The following ZSCAN25 variants were observed in gnomAD, a reference collection of about 807,000 sequenced individuals.
ZSCAN25 encodes zinc finger and SCAN domain-containing protein 25.
In ZSCAN25, 27 loss-of-function variants were observed where a neutral mutation model predicts 38.7. The observed-to-expected ratio is 0.70, with a 90% CI of 0.51 to 0.96. ZSCAN25 has a LOEUF of 0.96. ZSCAN25 is among the 40% of genes least tolerant of loss of function. The probability of loss-of-function intolerance (pLI) is 0.00; values close to 1 mark genes in which losing one functional copy is unlikely to be tolerated. For missense variants in ZSCAN25, 637 were observed against 705.9 expected (o/e 0.90, Z 1.11); for synonymous variants, 273 against 277.7 (o/e 0.98, Z 0.17).
chr7:99,720,014 A>G, the ZSCAN25 span, among the ~76,000 whole-genome samples: 3 of 152,170 alleles, frequency 2.0e-5, no homozygotes, highest in African/African-American at 7.2e-5. Flanking sequence ...AACAACAAAC[A>G]ACAAACAAAA....
the ZSCAN25 span, among the ~76,000 whole-genome samples, chr7:99,727,041 G>A: frequency 6.6e-6 from 1 of 152,128 alleles, no homozygotes; most frequent in Non-Finnish European, 1.5e-5. Flanking sequence ...ACTCACAAAG[G>A]GAAACCTAGC....
the ZSCAN25 span, among the ~76,000 whole-genome samples, chr7:99,723,066 G>T: frequency 6.6e-6 from 1 of 152,050 alleles, no homozygotes; most frequent in African/African-American, 2.4e-5. Context: ...CAGGGGTGAA[G>T]TTTTAACTAT....
At chr7:99,705,822 T>A in the ZSCAN25 span, among the ~76,000 whole-genome samples, 1 of 152,218 alleles carries the variant, frequency 6.6e-6, no homozygotes, top group Non-Finnish European at 1.5e-5. Context: ...ATGGAGCACC[T>A]ATTCTGTGTG....
the ZSCAN25 span, among the ~76,000 whole-genome samples, chr7:99,736,456 A>G: frequency 6.6e-6 from 1 of 152,218 alleles, no homozygotes; most frequent in Non-Finnish European, 1.5e-5. Context: ...GGCCTGTAAT[A>G]ACAGTTGCTG....
At chr7:99,736,573 G>T in the ZSCAN25 span, among the ~76,000 whole-genome samples, 1 of 152,276 alleles carries the variant, frequency 6.6e-6, no homozygotes, top group East Asian at 1.9e-4. Context: ...TTCTGTGTCT[G>T]CTTGGCCTGA....
chr7:99,638,142 CAAAAG>C, the ZSCAN25 span: 1 of 1,184,282 alleles, frequency 8.4e-7, no homozygotes, highest in Admixed American at 2.9e-5. Flanking sequence ...AGTTCAAATT[CAAAAG>C]AAAAGTGGCA....
the ZSCAN25 span, chr7:99,717,079 G>A: frequency 1.3e-6 from 2 of 1,504,726 alleles, no homozygotes; most frequent in Admixed American, 3.4e-5. Flanking sequence ...CTTTTGTCTG[G>A]TCACTGGAAT....
the ZSCAN25 span, among the ~76,000 whole-genome samples, chr7:99,711,380 A>G: frequency 1.3e-5 from 2 of 152,220 alleles, no homozygotes; most frequent in African/African-American, 4.8e-5. Context: ...TCCTTTAGAT[A>G]TGTTTGAGGG....
At chr7:99,713,426 C>T in the ZSCAN25 span, 1 of 1,612,476 alleles carries the variant, frequency 6.2e-7, no homozygotes, top group Non-Finnish European at 8.5e-7. Context: ...AACCTTCCCT[C>T]TGAGTGCCCC....
At chr7:99,623,331 G>A (rs903941560) in intron 6 of ZSCAN25, among the ~76,000 whole-genome samples, 1 of 152,164 alleles carries the variant, frequency 6.6e-6, no homozygotes, top group African/African-American at 2.4e-5. Context: ...GGCCATACAG[G>A]CCACACTAGG....
At chr7:99,646,982 C>T in the ZSCAN25 span, among the ~76,000 whole-genome samples, 1 of 152,126 alleles carries the variant, frequency 6.6e-6, no homozygotes, top group African/African-American at 2.4e-5. Context: ...AATCTAACAC[C>T]ATAGGATTAA....
chr7:99,622,316 G>A (rs539728418), intron 5 of ZSCAN25: 5 of 565,562 alleles, frequency 8.8e-6, no homozygotes, highest in Non-Finnish European at 1.6e-5. Context: ...ACAGGGCCGG[G>A]ACAATCTTGC....
At chr7:99,704,084 C>G in the ZSCAN25 span, among the ~76,000 whole-genome samples, 1 of 151,964 alleles carries the variant, frequency 6.6e-6, no homozygotes, top group Admixed American at 6.6e-5. Context: ...CCTTGTTGTC[C>G]AATCAATTGA....
rs1807884078 is a variant in ZSCAN25, at chr7:99,630,189, C to CT, written c.*171dup. 1 of 1,392,682 alleles carries CT rather than the reference C, an allele frequency of 7.2e-7. No homozygotes were observed. The highest frequency in any genetic ancestry group is 1.4e-5 in the African/African-American group (1 of 69,096). The allele number at this position is 1,392,682 out of a possible 1,614,324, so 86.3% of individuals were successfully genotyped here. ...TTAGAGCTTCCAGAGAGCATAGCTG[C>CT]TTCCATCTCTTACCCAAGTGGTGCT... On this transcript the variant is annotated 3_prime_UTR_variant, in exon 8 of 8. Coordinates refer to ENST00000394152, the MANE Select transcript of ZSCAN25 (RefSeq NM_145115.3).
the ZSCAN25 span, among the ~76,000 whole-genome samples, chr7:99,643,997 C>G: frequency 6.6e-6 from 1 of 151,978 alleles, no homozygotes. Flanking sequence ...CAAGCACACA[C>G]TTAATTCTTT....
At chr7:99,685,785 G>A in the ZSCAN25 span, among the ~76,000 whole-genome samples, 2 of 152,190 alleles carry the variant, frequency 1.3e-5, no homozygotes, top group African/African-American at 2.4e-5. Flanking sequence ...ACCTAGTGTC[G>A]AGGTCTTCAG....
At position 99,619,809 on chromosome 7, in the gene ZSCAN25, G is replaced by T. The variant is rs369473241; in HGVS notation, c.203G>T (p.Arg68Leu). ...CTTAGGGAGCTCCAGGAGCTCTGTC[G>T]TCGGTGGCTGAGGCCCGAGTTGCAC... ...EALRELQELC[R>L]RWLRPELHTK... The change falls in exon 4 of 8, where the codon CGT becomes CTT. Residue 68 changes from arginine to leucine, a missense_variant. Arg to Leu is a moderately radical substitution (Grantham distance 102). Transcript: ENST00000394152. 1 of 1,614,260 alleles carries T rather than the reference G, an allele frequency of 6.2e-7. No homozygotes were observed. Among genetic ancestry groups the T allele is most frequent in the Non-Finnish European group, 8.5e-7 (1 of 1,180,044 alleles).
At chr7:99,673,378 CT>C in the ZSCAN25 span, among the ~76,000 whole-genome samples, 3 of 152,228 alleles carry the variant, frequency 2.0e-5, no homozygotes, top group Admixed American at 6.5e-5. Context: ...CAGGGAACAG[CT>C]GCTGCAATTG....
chr7:99,622,633 G>T lies in ZSCAN25; in HGVS notation c.674G>T (p.Gly225Val). 1 of 1,614,070 alleles carries T rather than the reference G, an allele frequency of 6.2e-7. No homozygotes were observed. Among genetic ancestry groups the T allele is most frequent in the Non-Finnish European group, 8.5e-7 (1 of 1,179,954 alleles). ...ATGGCAGCTGGGTTCTTTACTGCTGGATCGCAGGTGAGCTCTGACTCCCTT... is the reference window on the plus strand; with the variant it reads ...ATGGCAGCTGGGTTCTTTACTGCTGTATCGCAGGTGAGCTCTGACTCCCTT... ...QEMAAGFFTA[G>V]SQGLGPFKDM... Residue 225 changes from glycine (G) to valine (V), a missense_variant, in exon 6 of 8, where the codon GGA (glycine) becomes GTA (valine). Coordinates refer to ENST00000394152, the MANE Select transcript of ZSCAN25 (RefSeq NM_145115.3).
Sources: allele counts gnomAD v4.1 joint callset (sites outside exome capture counted in the v4.1 genomes callset), GRCh38; gene constraint gnomAD v4.1.1; transcripts MANE v1.5; gene names NCBI Gene and HGNC (gene_info 2026-07-23, HGNC 2026-07-21).